Variants in GREB1 observed in about 807,000 individuals in gnomAD.
The protein encoded by GREB1 is protein GREB1.
In GREB1, 106 loss-of-function variants were observed where a neutral mutation model predicts 200.7. The ratio of observed to expected loss-of-function variants is 0.53; its 90% confidence interval spans 0.45 to 0.62. GREB1 has a LOEUF of 0.62. Among genes scored for constraint, GREB1 ranks in the 20% least tolerant of loss-of-function variants. The pLI, the probability that GREB1 is intolerant of heterozygous loss-of-function variation, is 0.00. For synonymous variants in GREB1, 1,132 were observed against 1,092.4 expected (o/e 1.04, Z -0.72); for missense variants, 2,243 against 2,556.8 (o/e 0.88, Z 2.65).
chr2:11,518,566 T>C lies in GREB1; in HGVS notation c.-159+36185T>C, dbSNP rs924770655. Among the ~76,000 whole-genome samples, 4 of 152,186 alleles carry C rather than the reference T, an allele frequency of 2.6e-5. No homozygotes were observed. In the East Asian group the frequency reaches 5.8e-4, roughly 22 times the overall value. On this transcript the variant is annotated intron_variant, in intron 1 of 2. Coordinates refer to the GREB1 transcript ENST00000628795. ...GGGTGTGTGGCATGGGCCTGGTTAA[T>C]GCAGACAGATCCATCCAGTCCTGGC...
intron 1 of GREB1, among the ~76,000 whole-genome samples, chr2:11,485,132 A>T (rs185072065): frequency 1.3e-5 from 2 of 151,796 alleles, no homozygotes; most frequent in South Asian, 2.1e-4. Context: ...TGGCCTGCAG[A>T]TGGTTTAAAT....
At position 11,632,942 on chromosome 2, in the gene GREB1, C is replaced by T. The variant is rs1324447366; in HGVS notation, c.4870C>T (p.Arg1624Trp). Residue 1624 changes from arginine (R) to tryptophan (W), a missense_variant, in exon 28 of 33, where the codon CGG becomes TGG. Transcript: ENST00000381486. ...GTCCTACCATAACCTGGAGCTCGAGCGGAACCGGCAGGAGGAGCTGGGAAT... is the reference window on the plus strand; with the variant it reads ...GTCCTACCATAACCTGGAGCTCGAGTGGAACCGGCAGGAGGAGCTGGGAAT... Reference protein sequence around the residue: ...ELSYHNLELERNRQEELGIKP... With the variant: ...ELSYHNLELEWNRQEELGIKP... 9 of 1,614,138 alleles carry T rather than the reference C, an allele frequency of 5.6e-6. No individual in the cohort carries two copies. The highest frequency in any genetic ancestry group is 1.1e-5 in the South Asian group (1 of 91,084).
chr2:11,578,768 A>G (rs1679159460), intron 6 of GREB1, among the ~76,000 whole-genome samples: 1 of 152,120 alleles, frequency 6.6e-6, no homozygotes, highest in Non-Finnish European at 1.5e-5. Flanking sequence ...ATGAATTGCT[A>G]GAAGGGGTGG....
At chr2:11,536,399 C>T (rs1314004400) in intron 1 of GREB1, among the ~76,000 whole-genome samples, 1 of 152,166 alleles carries the variant, frequency 6.6e-6, no homozygotes, top group African/African-American at 2.4e-5. Flanking sequence ...TTTGTAAAAG[C>T]CAAGCCATAT....
intron 2 of GREB1, 109 bp downstream of exon 2, chr2:11,556,880 C>A: frequency 2.6e-6 from 2 of 777,142 alleles, no homozygotes; most frequent in Non-Finnish European, 3.7e-6. Context: ...TTGAATCTAG[C>A]AGAAAAGAAT....
chr2:11,518,361 G>A (rs566064954), intron 1 of GREB1, among the ~76,000 whole-genome samples: 2 of 152,182 alleles, frequency 1.3e-5, no homozygotes, highest in African/African-American at 4.8e-5. Flanking sequence ...AGGTGACTGT[G>A]TTTTCCTTTC....
At position 11,546,946 on chromosome 2, in the gene GREB1, T is replaced by C. The variant is rs1214091895; in HGVS notation, c.-161-9508T>C. Among the ~76,000 whole-genome samples the C allele has an allele frequency of 2.1e-4, 9 of 43,602 alleles. No homozygotes were observed. The East Asian group carries it at 7.4e-3, about 36-fold the overall frequency. The allele number at this position is 43,602 out of a possible 152,430, so 28.6% of individuals were successfully genotyped here. Reference sequence around the variant, plus strand: ...TTTTACATTCTGCTAGTTTAAACTTTTTTTTTTTTTTTTTTTTGAGATGGC... The same window carrying C: ...TTTTACATTCTGCTAGTTTAAACTTCTTTTTTTTTTTTTTTTTGAGATGGC... On this transcript the variant is annotated intron_variant, in intron 1 of 32. Transcript: ENST00000381486.
chr2:11,599,712 G>T (rs1681609463), intron 15 of GREB1, among the ~76,000 whole-genome samples: 1 of 151,924 alleles, frequency 6.6e-6, no homozygotes, highest in African/African-American at 2.4e-5. Flanking sequence ...AGTAGAGACA[G>T]GGTTTCACCG....
At chr2:11,514,799 C>T (rs549038674) in intron 1 of GREB1, among the ~76,000 whole-genome samples, 1 of 152,210 alleles carries the variant, frequency 6.6e-6, no homozygotes, top group African/African-American at 2.4e-5. Context: ...TGGCATTTCC[C>T]CCTACTAGGT....
At position 11,618,335 on chromosome 2, in the gene GREB1, C is replaced by T; in HGVS notation, c.3460C>T (p.Gln1154Ter). The T allele has an allele frequency of 6.2e-7, 1 of 1,604,512 alleles. No individual in the cohort carries two copies. Among genetic ancestry groups the T allele is most frequent in the Non-Finnish European group, 8.5e-7 (1 of 1,174,806 alleles). ...CTCGGCTCAGCCCACAGCACTCCCC[C>T]AGGGAGAGCATGCCAGGTCGCCCCA... ...ESSAQPTALP[Q>*]GEHARSPQPR... The change falls in exon 22 of 33, where the codon CAG (glutamine) becomes TAG (stop). Residue 1154 changes from glutamine (Q) to a stop codon, truncating the protein, a stop_gained. Coordinates refer to ENST00000381486, the MANE Select transcript of GREB1 (RefSeq NM_014668.4). LOFTEE classifies it high-confidence loss of function.
At position 11,490,545 on chromosome 2, in the gene GREB1, T is replaced by C. The variant is rs368579595; in HGVS notation, c.-159+8164T>C. On this transcript the variant is annotated intron_variant, in intron 1 of 2. Transcript: ENST00000628795. Reference sequence around the variant, plus strand: ...CATAAACAAATTTTTGGTATGGAAATGTGTTTGTCTTTTTCTTTTTTGAGA... The same window carrying C: ...CATAAACAAATTTTTGGTATGGAAACGTGTTTGTCTTTTTCTTTTTTGAGA... Among the ~76,000 whole-genome samples, 67 of 152,270 alleles carry C rather than the reference T, an allele frequency of 4.4e-4. No homozygotes were observed. In the South Asian group the frequency reaches 0.014, roughly 32 times the overall value.
rs551540523 is a variant in GREB1 at position 11,637,793 on chromosome 2, G to A, written c.5424G>A (p.Ala1808=). 51 of 1,614,082 alleles carry A rather than the reference G, an allele frequency of 3.2e-5. No homozygotes were observed. The highest frequency in any genetic ancestry group is 2.3e-4 in the South Asian group (21 of 91,076). ...ACAGCAAGCACACGTTCCTCGCAGC[G>A]CCCGCCCAGCTCCTGCTGGAGAAGT... ...APDSKHTFLA[A]PAQLLLEKFL... Residue 1808 remains alanine (A), a synonymous_variant, in exon 31 of 33, where the codon GCG becomes GCA. Transcript: ENST00000381486.
chr2:11,497,898 G>A (rs1244652384), intron 1 of GREB1, among the ~76,000 whole-genome samples: 1 of 145,702 alleles, frequency 6.9e-6, no homozygotes, highest in Non-Finnish European at 1.5e-5. Context: ...TTGTATATGT[G>A]GTTTGCAAAC....
intron 1 of GREB1, among the ~76,000 whole-genome samples, chr2:11,490,779 C>T (rs1025485495): frequency 1.3e-5 from 2 of 152,188 alleles, no homozygotes; most frequent in Non-Finnish European, 2.9e-5. Flanking sequence ...GAACTCCTGA[C>T]CTCAGGTGAT....
At position 11,587,938 on chromosome 2, in the gene GREB1, C is replaced by A. The variant is rs73175242; in HGVS notation, c.1160-808C>A. ...GAGGGCTGTCCTCAGAATGAATCTT[C>A]TGATGGGCTGGGCACGGTGGCTCAC... On this transcript the variant is annotated intron_variant, in intron 9 of 32. Transcript: ENST00000381486. 4,860 of 992,790 alleles carry A rather than the reference C, an allele frequency of 4.9e-3. 170 individuals carry two copies. The African/African-American group carries it at 0.078, about 16-fold the overall frequency. The allele number at this position is 992,790 out of a possible 1,614,324, so 61.5% of individuals were successfully genotyped here. A position where few individuals can be genotyped will look rare whatever the true frequency, so the allele number is the denominator to read the frequency against.
Position 11,605,144 on chromosome 2 carries a change from C to CTTTTTTT in GREB1, c.2666+2628_2666+2634dup, listed in dbSNP as rs3035991. Among the ~76,000 whole-genome samples, 418 of 44,794 alleles carry CTTTTTTT rather than the reference C, an allele frequency of 9.3e-3. 94 individuals carry two copies. Among genetic ancestry groups the CTTTTTTT allele is most frequent in the East Asian group, 0.014 (14 of 974 alleles). 29.4% of individuals were successfully genotyped at this position (44,794 alleles called of 152,430 possible). A position where few individuals can be genotyped will look rare whatever the true frequency, so the allele number is the denominator to read the frequency against. ...TGGAGCTGGGCACCAGAGCCTGCTT[C>CTTTTTTT]TTTTTTTTTTTTTTTTTTTTTTTTT... is the stretch of plus-strand genomic sequence containing the variant. On this transcript the variant is annotated intron_variant, in intron 17 of 32. Transcript: ENST00000381486.
chr2:11,527,230 C>A (rs1384858660), intron 1 of GREB1, among the ~76,000 whole-genome samples: 1 of 150,840 alleles, frequency 6.6e-6, no homozygotes, highest in Non-Finnish European at 1.5e-5. Context: ...ATCATGCGGT[C>A]AAAAAAAATG....
In GREB1 at chr2:11,570,224, C is replaced by T. The variant is rs138252792; in HGVS notation, c.454+3568C>T. On this transcript the variant is annotated intron_variant, in intron 4 of 32. Transcript: ENST00000381486. ...AGGAGTTTGAGACTAGCCTGGCCAG[C>T]GTGGTGAAACCCTGTCTCTACTAAA... is the stretch of plus-strand genomic sequence containing the variant. 1.3e-3 allele frequency among the ~76,000 whole-genome samples: 203 copies of T among 151,878 alleles called. 2 individuals carry two copies. Among genetic ancestry groups the T allele is most frequent in the African/African-American group, 4.8e-3 (197 of 41,398 alleles).
intron 17 of GREB1, 36 bp downstream of exon 17, chr2:11,602,578 A>C (rs529304158): frequency 6.3e-7 from 1 of 1,594,134 alleles, no homozygotes; most frequent in East Asian, 2.2e-5. Flanking sequence ...AGAAGTGCTC[A>C]GTAGCTTAAA....
Sources: allele counts gnomAD v4.1 joint callset (sites outside exome capture counted in the v4.1 genomes callset), GRCh38; gene constraint gnomAD v4.1.1; transcripts MANE v1.5; gene names NCBI Gene and HGNC (gene_info 2026-07-23, HGNC 2026-07-21).